GPALPP1: variants seen among roughly 807,000 people sequenced by gnomAD.
GPALPP1 encodes GPALPP motifs containing 1, also known as GPALPP motifs-containing protein 1.
A neutral mutation model predicts 38.9 loss-of-function variants in GPALPP1; 30 were observed. That is an observed-to-expected ratio of 0.77 (90% CI 0.58 to 1.05). GPALPP1 has a LOEUF of 1.05. GPALPP1 is among the 50% of genes least tolerant of loss of function. The probability of loss-of-function intolerance (pLI) is 0.00; values close to 1 mark genes in which losing one functional copy is unlikely to be tolerated. For missense variants in GPALPP1, 384 were observed against 408.8 expected, an observed-to-expected ratio of 0.94 and a Z score of 0.52; for synonymous variants, 120 against 139.2, an observed-to-expected ratio of 0.86 and a Z score of 0.97.
downstream of GPALPP1, among the ~76,000 whole-genome samples, chr13:45,032,727 G>A (rs974389382): frequency 1.4e-5 from 2 of 144,914 alleles, no homozygotes; most frequent in East Asian, 2.4e-4. Context: ...TTGTATTAAC[G>A]ATTTATTTAG....
Position 45,019,082 on chromosome 13 carries a change from AATATATGTAT to A in GPALPP1, c.706-1241_706-1232del, listed in dbSNP as rs1566082165. Among the ~76,000 whole-genome samples, 16 of 114,530 alleles carry A rather than the reference AATATATGTAT, an allele frequency of 1.4e-4. 2 individuals carry two copies. The highest frequency in any genetic ancestry group is 2.7e-4 in the South Asian group (1 of 3,766). The allele number at this position is 114,530 out of a possible 152,430, so 75.1% of individuals were successfully genotyped here. A position where few individuals can be genotyped will look rare whatever the true frequency, so the allele number is the denominator to read the frequency against. ...ATATACATATAAATATATACATATA[AATATATGTAT>A]ATATATTTATATATATTTATATGTA... On this transcript the variant is annotated intron_variant, in intron 6 of 7. Transcript: ENST00000379151.
chr13:44,995,316 GA>G (rs1392066986), intron 1 of GPALPP1, among the ~76,000 whole-genome samples: 2 of 151,868 alleles, frequency 1.3e-5, no homozygotes, highest in Non-Finnish European at 2.9e-5. Flanking sequence ...AGGTGTTAAA[GA>G]TTCTGAAAGC....
intron 1 of GPALPP1, among the ~76,000 whole-genome samples, chr13:44,993,668 C>T (rs998177461): frequency 2.7e-5 from 4 of 146,862 alleles, no homozygotes; most frequent in African/African-American, 2.5e-5. Flanking sequence ...GGCGACAGAT[C>T]GAGACTCCGT....
chr13:44,998,545 T>G (rs1342026501), intron 1 of GPALPP1, among the ~76,000 whole-genome samples: 2 of 152,288 alleles, frequency 1.3e-5, no homozygotes, highest in Non-Finnish European at 1.5e-5. Context: ...ACCTTTCAGT[T>G]TTCTAAATGT....
At chr13:45,008,535 G>A (rs1874257726) in intron 3 of GPALPP1, among the ~76,000 whole-genome samples, 1 of 152,136 alleles carries the variant, frequency 6.6e-6, no homozygotes, top group East Asian at 1.9e-4. Flanking sequence ...GTGTGCATAT[G>A]CCAGTGTCAC....
downstream of GPALPP1, chr13:45,030,531 C>T (rs575424119): frequency 1.3e-5 from 2 of 152,164 alleles, no homozygotes; most frequent in African/African-American, 4.8e-5. Context: ...AGGCGTGCAC[C>T]ACCATGCTCA....
intron 1 of GPALPP1, among the ~76,000 whole-genome samples, chr13:44,996,304 G>C (rs1593382530): frequency 6.6e-6 from 1 of 151,656 alleles, no homozygotes; most frequent in South Asian, 2.1e-4. Context: ...GCAGTGAGCT[G>C]TGATCACACC....
At chr13:45,031,597 G>C (rs1876199614), downstream of GPALPP1, 1 of 152,062 alleles carries the variant, frequency 6.6e-6, no homozygotes, top group South Asian at 2.1e-4. Flanking sequence ...TTGCTTCCAG[G>C]AGTTACTACC....
chr13:45,013,212 A>G (rs564603704), intron 4 of GPALPP1, among the ~76,000 whole-genome samples: 3 of 152,306 alleles, frequency 2.0e-5, no homozygotes, highest in East Asian at 1.9e-4. Flanking sequence ...TTCCTGCTCT[A>G]TAAGAGAATT....
At chr13:45,009,107 G>A (rs1371537572) in intron 4 of GPALPP1, 12 of 615,090 alleles carry the variant, frequency 2.0e-5, no homozygotes, top group Non-Finnish European at 2.7e-5. Context: ...CAGGATTGAC[G>A]GGGTGTTACC....
rs1435313239 is a variant in GPALPP1, at chr13:45,029,693, A to G, written c.*1690A>G. On this transcript the variant is annotated 3_prime_UTR_variant, in exon 8 of 8. Coordinates refer to ENST00000379151, the MANE Select transcript of GPALPP1 (RefSeq NM_018559.5). Reference sequence around the variant, plus strand: ...TGTTTTTTCCCTTTAAACTGCAGCCAGTGAATACAAATTTACTTGAAAATA... The same window carrying G: ...TGTTTTTTCCCTTTAAACTGCAGCCGGTGAATACAAATTTACTTGAAAATA... The G allele has an allele frequency of 1.3e-5, 2 of 152,192 alleles. No homozygotes were observed. Among genetic ancestry groups the G allele is most frequent in the East Asian group, 3.8e-4 (2 of 5,204 alleles). 9.4% of individuals were successfully genotyped at this position (152,192 alleles called of 1,614,324 possible).
chr13:44,997,337 T>C lies in GPALPP1; in HGVS notation c.89-6968T>C, dbSNP rs534236951. Among the ~76,000 whole-genome samples the C allele has an allele frequency of 2.0e-5, 3 of 152,222 alleles. No homozygotes were observed. The East Asian group carries it at 5.8e-4, about 29-fold the overall frequency. ...TAACTTCATTTGAATACTCTGAAAATTGACTGCTGGAAAATGTCCCCCAAC... is the reference window on the plus strand; with the variant it reads ...TAACTTCATTTGAATACTCTGAAAACTGACTGCTGGAAAATGTCCCCCAAC... On this transcript the variant is annotated intron_variant, in intron 1 of 7. Coordinates refer to ENST00000379151, the MANE Select transcript of GPALPP1 (RefSeq NM_018559.5).
At chr13:44,999,080 A>G (rs1460701645) in intron 1 of GPALPP1, among the ~76,000 whole-genome samples, 1 of 152,238 alleles carries the variant, frequency 6.6e-6, no homozygotes, top group African/African-American at 2.4e-5. Context: ...TTGCAATCTA[A>G]AACATAATAC....
At chr13:45,024,166 T>A (rs939468936) in intron 7 of GPALPP1, among the ~76,000 whole-genome samples, 1 of 112,860 alleles carries the variant, frequency 8.9e-6, no homozygotes, top group African/African-American at 3.7e-5. Flanking sequence ...TGTGTGTGTG[T>A]GTGTGTGTGT....
rs933953656 is a variant in GPALPP1 at position 45,004,415 on chromosome 13, G to A, written c.199G>A (p.Asp67Asn). ...YEEGNQESEE[D>N]DSGPTARKQR... is the part of the protein sequence containing the mutation. ...AGAAGGAAATCAAGAATCTGAAGAA[G>A]ATGACAGTGGTCCAACTGCAAGGTC... The change falls in exon 2 of 8, where the codon GAT becomes AAT. Residue 67 changes from aspartate (D) to asparagine (N), a missense_variant. Physicochemically the swap from Asp to Asn is conservative, Grantham distance 23. Coordinates refer to ENST00000379151, the MANE Select transcript of GPALPP1 (RefSeq NM_018559.5). 6.2e-7 allele frequency: 1 copy of A among 1,610,264 alleles called. No individual in the cohort carries two copies. Among genetic ancestry groups the A allele is most frequent in the Non-Finnish European group, 8.5e-7 (1 of 1,176,678 alleles).
Position 44,989,617 on chromosome 13 carries a change from G to T in GPALPP1, c.-38G>T, listed in dbSNP as rs768921198. On this transcript the variant is annotated 5_prime_UTR_variant, in exon 1 of 8. Coordinates refer to ENST00000379151, the MANE Select transcript of GPALPP1 (RefSeq NM_018559.5). ...TTTTTGGATAGGGTTGACGTTCGTGGATAGACTCATATCTGTGACCAGTGT... is the reference window on the plus strand; with the variant it reads ...TTTTTGGATAGGGTTGACGTTCGTGTATAGACTCATATCTGTGACCAGTGT... The T allele has an allele frequency of 3.8e-6, 6 of 1,564,766 alleles. No homozygotes were observed. The East Asian group carries it at 1.3e-4, about 35-fold the overall frequency.
intron 4 of GPALPP1, among the ~76,000 whole-genome samples, chr13:45,012,836 C>T (rs150569511): frequency 3.9e-5 from 6 of 152,160 alleles, no homozygotes; most frequent in East Asian, 1.9e-4. Flanking sequence ...GCCTCATTCC[C>T]GGCATATACC....
At chr13:45,033,758 G>T (rs1425521805), downstream of GPALPP1, 1 of 152,114 alleles carries the variant, frequency 6.6e-6, no homozygotes, top group Non-Finnish European at 1.5e-5. Context: ...ACTCCAACTC[G>T]CTTGCCAGGT....
At chr13:45,021,173 G>A (rs552953024) in intron 7 of GPALPP1, among the ~76,000 whole-genome samples, 31 of 152,178 alleles carry the variant, frequency 2.0e-4, no homozygotes, top group African/African-American at 6.7e-4. Flanking sequence ...AAATGTCCCC[G>A]CTCAAAGAAT....
Sources: allele counts gnomAD v4.1 joint callset (sites outside exome capture counted in the v4.1 genomes callset), GRCh38; gene constraint gnomAD v4.1.1; transcripts MANE v1.5; gene names NCBI Gene and HGNC (gene_info 2026-07-23, HGNC 2026-07-21).